SPMIP7: variants seen among roughly 807,000 people sequenced by gnomAD.
SPMIP7 encodes the protein sperm microtubule inner protein 7.
the SPMIP7 span, among the ~76,000 whole-genome samples, chr7:50,127,212 G>A: frequency 6.6e-6 from 1 of 152,024 alleles, no homozygotes; most frequent in African/African-American, 2.4e-5. Context: ...ACCAGCACAA[G>A]AATGAAACTA....
the SPMIP7 span, chr7:50,158,926 G>T: frequency 2.1e-6 from 2 of 972,716 alleles, no homozygotes; most frequent in Non-Finnish European, 3.1e-6. Flanking sequence ...CTCGCTCCCT[G>T]CCTGCAGTGC....
chr7:50,145,522 T>C, the SPMIP7 span, among the ~76,000 whole-genome samples: 4 of 144,728 alleles, frequency 2.8e-5, no homozygotes, highest in Non-Finnish European at 6.0e-5. Flanking sequence ...GGGTACTTTT[T>C]CTTTTGTAAC....
At chr7:50,107,402 G>GAAAAAAA in the SPMIP7 span, among the ~76,000 whole-genome samples, 1 of 97,356 alleles carries the variant, frequency 1.0e-5, no homozygotes, top group Non-Finnish European at 1.9e-5. Context: ...AAAAGAAAAA[G>GAAAAAAA]AAAAAAAAAA....
the SPMIP7 span, among the ~76,000 whole-genome samples, chr7:50,138,439 T>C: frequency 6.6e-6 from 1 of 152,202 alleles, no homozygotes; most frequent in Non-Finnish European, 1.5e-5. Context: ...CAGACAGACA[T>C]CACATACGAA....
At chr7:50,100,812 A>AAAATAAATAAAT in the SPMIP7 span, among the ~76,000 whole-genome samples, 9,555 of 139,210 alleles carry the variant, frequency 0.069, 664 homozygotes, top group African/African-American at 0.17. Context: ...ATGCCGTCCA[A>AAAATAAATAAAT]AAATAAATAA....
At chr7:50,127,135 C>T in the SPMIP7 span, among the ~76,000 whole-genome samples, 1 of 151,884 alleles carries the variant, frequency 6.6e-6, no homozygotes, top group African/African-American at 2.4e-5. Context: ...TCAACAAAGG[C>T]TCCAGGAATA....
the SPMIP7 span, among the ~76,000 whole-genome samples, chr7:50,099,627 G>A: frequency 6.6e-6 from 1 of 152,166 alleles, no homozygotes; most frequent in Non-Finnish European, 1.5e-5. Flanking sequence ...TGAGAGATGG[G>A]ATTTTTGTTC....
the SPMIP7 span, among the ~76,000 whole-genome samples, chr7:50,113,184 G>T: frequency 1.3e-5 from 2 of 151,942 alleles, no homozygotes; most frequent in African/African-American, 4.8e-5. Context: ...AATTTTAAAA[G>T]CATCCGACTG....
the SPMIP7 span, among the ~76,000 whole-genome samples, chr7:50,132,015 A>T: frequency 0.011 from 1,745 of 152,286 alleles, 13 homozygotes; most frequent in Non-Finnish European, 0.017. Flanking sequence ...AATTAAAAGT[A>T]TACCCATGAC....
the SPMIP7 span, among the ~76,000 whole-genome samples, chr7:50,140,814 CTGAT>C: frequency 6.6e-6 from 1 of 152,208 alleles, no homozygotes; most frequent in African/African-American, 2.4e-5. Context: ...TTGAAACTCT[CTGAT>C]TGGCATTAAC....
chr7:50,123,432 G>A, the SPMIP7 span, among the ~76,000 whole-genome samples: 1 of 114,966 alleles, frequency 8.7e-6, no homozygotes, highest in Admixed American at 1.0e-4. Flanking sequence ...TGGGGGAAGG[G>A]GGGAGGGATA....
At chr7:50,134,421 T>A in the SPMIP7 span, among the ~76,000 whole-genome samples, 1 of 152,064 alleles carries the variant, frequency 6.6e-6, no homozygotes. Flanking sequence ...GAGTTGAAAT[T>A]TCCGTAATCG....
At chr7:50,146,207 A>G in the SPMIP7 span, among the ~76,000 whole-genome samples, 1 of 152,330 alleles carries the variant, frequency 6.6e-6, no homozygotes, top group South Asian at 2.1e-4. Context: ...GAGGCCAGAA[A>G]TGAAGGTGCA....
the SPMIP7 span, among the ~76,000 whole-genome samples, chr7:50,106,420 A>G: frequency 6.6e-6 from 1 of 152,214 alleles, no homozygotes; most frequent in Non-Finnish European, 1.5e-5. Context: ...AATAGTAAAA[A>G]GCACTTGAAC....
At chr7:50,132,033 A>C in the SPMIP7 span, among the ~76,000 whole-genome samples, 2 of 152,276 alleles carry the variant, frequency 1.3e-5, no homozygotes, top group Admixed American at 1.3e-4. Flanking sequence ...GACCAAACAT[A>C]GTGTCATGAA....
chr7:50,123,901 A>G, the SPMIP7 span, among the ~76,000 whole-genome samples: 4 of 152,176 alleles, frequency 2.6e-5, no homozygotes, highest in Non-Finnish European at 5.9e-5. Context: ...CATTAATTAC[A>G]TTAATGGTAA....
At chr7:50,144,879 T>C in the SPMIP7 span, among the ~76,000 whole-genome samples, 5 of 152,052 alleles carry the variant, frequency 3.3e-5, no homozygotes, top group East Asian at 1.9e-4. Flanking sequence ...ATCTGGGTAG[T>C]GTTCAGGAAT....
the SPMIP7 span, among the ~76,000 whole-genome samples, chr7:50,152,030 TA>T: frequency 3.9e-5 from 6 of 152,326 alleles, 1 homozygote; most frequent in Middle Eastern, 6.8e-3. Flanking sequence ...CATATATTTT[TA>T]AACCCACATT....
chr7:50,107,165 G>T, the SPMIP7 span, among the ~76,000 whole-genome samples: 1 of 151,808 alleles, frequency 6.6e-6, no homozygotes, highest in South Asian at 2.1e-4. Flanking sequence ...AAACCAGTCT[G>T]GCCAACATGG....
Sources: gnomAD v4.1 joint callset for allele counts (sites outside exome capture counted in the v4.1 genomes callset) on GRCh38, gnomAD v4.1.1 for gene constraint, MANE v1.5 for transcripts, NCBI Gene and HGNC (gene_info 2026-07-23, HGNC 2026-07-21) for gene names.